The following ZBTB17 variants were observed in gnomAD, a reference collection of about 807,000 sequenced individuals.
ZBTB17 encodes zinc finger and BTB domain-containing protein 17.
Under a neutral mutation model 85.1 loss-of-function variants are expected in ZBTB17, and 24 were observed. The observed-to-expected ratio is 0.28, with a 90% CI of 0.20 to 0.40. The LOEUF is 0.40. Ranked by LOEUF, ZBTB17 falls within the 10% of genes least tolerant of loss-of-function variation. The probability of loss-of-function intolerance (pLI) is 1.00; values close to 1 mark genes in which losing one functional copy is unlikely to be tolerated. For synonymous variants in ZBTB17, 464 were observed against 460.2 expected (o/e 1.01, Z -0.11); for missense variants, 743 against 1,105.1 (o/e 0.67, Z 4.65).
intron 2 of ZBTB17, among the ~76,000 whole-genome samples, chr1:15,972,243 G>GT (rs1473039331): frequency 2.0e-5 from 3 of 152,220 alleles, no homozygotes; most frequent in African/African-American, 7.2e-5. Flanking sequence ...CCTGACACAT[G>GT]TTGGGCACAG....
intron 2 of ZBTB17, among the ~76,000 whole-genome samples, chr1:15,963,912 C>A (rs753545056): frequency 6.6e-6 from 1 of 151,814 alleles, no homozygotes; most frequent in Non-Finnish European, 1.5e-5. Flanking sequence ...TCAAGACCAG[C>A]CTGTCTTTAC....
chr1:15,948,093 C>A (rs1473078967), intron 3 of ZBTB17, 198 bp downstream of exon 3: 2 of 663,028 alleles, frequency 3.0e-6, no homozygotes, highest in African/African-American at 3.6e-5. Flanking sequence ...TCTCCCCTTA[C>A]CACTCCACTA....
At chr1:15,974,524 TAACTA>T (rs1174537328) in intron 1 of ZBTB17, among the ~76,000 whole-genome samples, 1 of 151,624 alleles carries the variant, frequency 6.6e-6, no homozygotes, top group Non-Finnish European at 1.5e-5. Context: ...TTAAAGTCCT[TAACTA>T]GGTTTACAAC....
intron 5 of ZBTB17, 69 bp downstream of exon 5, chr1:15,946,085 T>G: frequency 6.3e-7 from 1 of 1,598,870 alleles, no homozygotes; most frequent in East Asian, 2.2e-5. Context: ...AAGGCAGCCC[T>G]CACTACCCTG....
intron 9 of ZBTB17, 148 bp downstream of exon 9, chr1:15,944,152 G>T: frequency 1.6e-6 from 2 of 1,246,516 alleles, no homozygotes; most frequent in Non-Finnish European, 2.3e-6. Context: ...CGCGGAAGTG[G>T]CTCTCGCTGC....
chr1:15,975,751 CG>C (rs1431347829), intron 1 of ZBTB17, among the ~76,000 whole-genome samples: 2 of 152,030 alleles, frequency 1.3e-5, no homozygotes, highest in African/African-American at 4.8e-5. Context: ...CCCCCTCGCC[CG>C]GGCGGTCGCC....
intron 2 of ZBTB17, among the ~76,000 whole-genome samples, chr1:15,969,161 T>A (rs2072550126): frequency 6.6e-6 from 1 of 152,128 alleles, no homozygotes; most frequent in Non-Finnish European, 1.5e-5. Flanking sequence ...ATGTGAAGGA[T>A]CTAGGTTGTG....
At chr1:15,958,874 C>T (rs2072149047) in intron 2 of ZBTB17, among the ~76,000 whole-genome samples, 1 of 152,162 alleles carries the variant, frequency 6.6e-6, no homozygotes, top group African/African-American at 2.4e-5. Flanking sequence ...TGATGGGAAA[C>T]ACAGCTGGAG....
At position 15,945,102 on chromosome 1, in the gene ZBTB17, A is replaced by G. The variant is rs2071540521; in HGVS notation, c.762T>C (p.Gly254=). ...GAGPAEVKEE[G]SQLENGEAPE... The stretch of plus-strand genomic sequence containing the variant: ...GGGCCTCTCCGTTCTCCAGCTGGGA[A>G]CCCTCCTCCTTGACCTCAGCTGGCC... Residue 254 remains glycine (G), a synonymous_variant, in exon 7 of 16, where the codon GGT becomes GGC. Transcript: ENST00000375743. The G allele has an allele frequency of 6.2e-7, 1 of 1,609,670 alleles. No homozygotes were observed. Among genetic ancestry groups the G allele is most frequent in the Non-Finnish European group, 8.5e-7 (1 of 1,178,460 alleles).
At chr1:15,967,319 T>C (rs890599703) in intron 2 of ZBTB17, among the ~76,000 whole-genome samples, 1 of 152,026 alleles carries the variant, frequency 6.6e-6, no homozygotes, top group East Asian at 1.9e-4. Flanking sequence ...GAGGCTGCAG[T>C]GAGCTATGAC....
Position 15,943,182 on chromosome 1 carries a change from G to A in ZBTB17, c.1710C>T (p.Ser570=). The A allele has an allele frequency of 6.2e-7, 1 of 1,614,156 alleles. No homozygotes were observed. Among genetic ancestry groups the A allele is most frequent in the Admixed American group, 1.7e-5 (1 of 60,020 alleles). The change falls in exon 13 of 16, where the codon TCC becomes TCT. Residue 570 remains serine, a synonymous_variant. Coordinates refer to ENST00000375743, the MANE Select transcript of ZBTB17 (RefSeq NM_003443.3). ...GGCGAATATGATTGGCCAACTGGCTGGACTGGACGAATCTGTGGGGCCACA... is the reference window on the plus strand; with the variant it reads ...GGCGAATATGATTGGCCAACTGGCTAGACTGGACGAATCTGTGGGGCCACA... The part of the protein sequence containing the change: ...CERCGKRFVQ[S]SQLANHIRHH...
At chr1:15,945,993 G>C (rs2071590478) in intron 5 of ZBTB17, 153 bp from the exon 6 acceptor site, 2 of 1,545,418 alleles carry the variant, frequency 1.3e-6, no homozygotes, top group East Asian at 2.3e-5. Flanking sequence ...TGCTCTGGTT[G>C]AAACAGACCC....
chr1:15,946,840 A>T, intron 4 of ZBTB17, 95 bp downstream of exon 4: 1 of 1,429,118 alleles, frequency 7.0e-7, no homozygotes. Context: ...GCAGGGCCAG[A>T]TGAGGAAACT....
intron 9 of ZBTB17, 134 bp downstream of exon 9, chr1:15,944,165 CT>C: frequency 7.5e-7 from 1 of 1,335,024 alleles, no homozygotes; most frequent in East Asian, 2.5e-5. Flanking sequence ...CTCGCTGCGC[CT>C]GTTTCCTGGG....
At chr1:15,963,109 A>C in intron 2 of ZBTB17, among the ~76,000 whole-genome samples, 1 of 152,310 alleles carries the variant, frequency 6.6e-6, no homozygotes, top group East Asian at 1.9e-4. Context: ...AAGAATATAT[A>C]AATTAATTAA....
intron 2 of ZBTB17, among the ~76,000 whole-genome samples, chr1:15,970,957 C>T (rs1218187258): frequency 3.3e-5 from 5 of 152,114 alleles, no homozygotes; most frequent in Non-Finnish European, 5.9e-5. Flanking sequence ...AGAATGCTTT[C>T]TACTGAAAAG....
At chr1:15,963,730 G>C (rs1407118212) in intron 2 of ZBTB17, among the ~76,000 whole-genome samples, 1 of 152,142 alleles carries the variant, frequency 6.6e-6, no homozygotes, top group Non-Finnish European at 1.5e-5. Context: ...AGTATTAAAT[G>C]CAAGAAGGAA....
intron 4 of ZBTB17, among the ~76,000 whole-genome samples, chr1:15,946,694 G>A (rs753153618): frequency 3.3e-5 from 5 of 152,230 alleles, no homozygotes; most frequent in Admixed American, 1.3e-4. Flanking sequence ...GAACAGACCC[G>A]CAGGAGGGTT....
chr1:15,967,291 G>A (rs932215468), intron 2 of ZBTB17, among the ~76,000 whole-genome samples: 1 of 151,850 alleles, frequency 6.6e-6, no homozygotes. Flanking sequence ...CAGGAAGATC[G>A]CTTGAGCCAG....
Sources: allele counts gnomAD v4.1 joint callset (sites outside exome capture counted in the v4.1 genomes callset), GRCh38; gene constraint gnomAD v4.1.1; transcripts MANE v1.5; gene names NCBI Gene and HGNC (gene_info 2026-07-23, HGNC 2026-07-21).